FOXN2: variants seen among roughly 807,000 people sequenced by gnomAD.
FOXN2 encodes the protein forkhead box protein N2.
A neutral mutation model predicts 41.2 loss-of-function variants in FOXN2; 19 were observed. That is an observed-to-expected ratio of 0.46 (90% CI 0.32 to 0.68). The LOEUF is 0.68. Ranked by LOEUF, FOXN2 falls within the 30% of genes least tolerant of loss-of-function variation. The pLI is 0.03. For synonymous variants in FOXN2, 195 were observed against 176.8 expected (o/e 1.10, Z -0.82); for missense variants, 587 against 509.4 (o/e 1.15, Z -1.47).
intron 2 of FOXN2, among the ~76,000 whole-genome samples, chr2:48,330,737 A>T (rs1297897366): frequency 6.6e-6 from 1 of 151,216 alleles, no homozygotes; most frequent in East Asian, 1.9e-4. Flanking sequence ...ACCACCTAAA[A>T]AGAATTAGAG....
intron 1 of FOXN2, among the ~76,000 whole-genome samples, chr2:48,328,201 C>T (rs1053013103): frequency 6.6e-6 from 1 of 152,172 alleles, no homozygotes; most frequent in South Asian, 2.1e-4. Flanking sequence ...GACTTTCGCT[C>T]TGTTGACTTT....
intron 1 of FOXN2, among the ~76,000 whole-genome samples, chr2:48,315,835 T>G (rs1668874742): frequency 6.6e-6 from 1 of 152,262 alleles, no homozygotes. Context: ...ATTTCTGCTT[T>G]AAAGTCTTTT....
At chr2:48,336,459 A>G (rs111907178) in intron 2 of FOXN2, among the ~76,000 whole-genome samples, 30,100 of 121,466 alleles carry the variant, frequency 0.25, 3,370 homozygotes, top group South Asian at 0.33. Flanking sequence ...GTGTGTGTGT[A>G]TATATATTTA....
intron 1 of FOXN2, among the ~76,000 whole-genome samples, chr2:48,322,304 A>C (rs1366576882): frequency 6.6e-6 from 1 of 151,674 alleles, no homozygotes; most frequent in Non-Finnish European, 1.5e-5. Flanking sequence ...TTTTTTTTTT[A>C]ATTGTAAAGT....
chr2:48,372,608 T>C (rs1672976397), intron 5 of FOXN2, among the ~76,000 whole-genome samples: 1 of 152,108 alleles, frequency 6.6e-6, no homozygotes, highest in African/African-American at 2.4e-5. Context: ...TATAAGTAGG[T>C]ATGAGAGCAT....
At position 48,359,107 on chromosome 2, in the gene FOXN2, G is replaced by A. The variant is rs2104453927; in HGVS notation, c.598G>A (p.Ala200Thr). 1.9e-6 allele frequency: 3 copies of A among 1,613,702 alleles called. No homozygotes were observed. Among genetic ancestry groups the A allele is most frequent in the Non-Finnish European group, 2.5e-6 (3 of 1,179,814 alleles). The change falls in exon 4 of 7, where the codon GCA becomes ACA. Residue 200 changes from alanine to threonine, a missense_variant. By Grantham distance (58) the Ala-to-Thr change is moderately conservative. Coordinates refer to ENST00000340553, the MANE Select transcript of FOXN2 (RefSeq NM_002158.4). ...GGAATATAAACCCAATCTTATCCAG[G>A]CACTGAAGAAGCAACCTTTTTCTTC... ...DPEYKPNLIQ[A>T]LKKQPFSSAS...
At chr2:48,334,373 T>G (rs1416434619) in intron 2 of FOXN2, among the ~76,000 whole-genome samples, 1 of 152,222 alleles carries the variant, frequency 6.6e-6, no homozygotes, top group East Asian at 1.9e-4. Context: ...GTTAGAAGTA[T>G]GTCAGACTTC....
chr2:48,357,687 C>T (rs11690845), intron 3 of FOXN2, among the ~76,000 whole-genome samples: 32,530 of 151,594 alleles, frequency 0.21, 3,835 homozygotes, highest in East Asian at 0.45. Context: ...TCACCTTCGC[C>T]GGCTTCCCAA....
In FOXN2 at chr2:48,335,076, T is replaced by C. The variant is rs543223454; in HGVS notation, c.-15+6374T>C. 9.2e-5 allele frequency among the ~76,000 whole-genome samples: 14 copies of C among 152,186 alleles called. No homozygotes were observed. The East Asian group carries it at 2.7e-3, about 29-fold the overall frequency. On this transcript the variant is annotated intron_variant, in intron 2 of 6. Coordinates refer to ENST00000340553, the MANE Select transcript of FOXN2 (RefSeq NM_002158.4). ...CCCATTGGTAAAGTTCTAATGAAAA[T>C]AAGTGGCTTATAATAAAAATTACAG...
In FOXN2 at chr2:48,346,258, C is replaced by A. The variant is rs1424220026; in HGVS notation, c.44C>A (p.Thr15Asn). 2 of 1,613,770 alleles carry A rather than the reference C, an allele frequency of 1.2e-6. No homozygotes were observed. Among genetic ancestry groups the A allele is most frequent in the Non-Finnish European group, 1.7e-6 (2 of 1,179,886 alleles). The change falls in exon 3 of 7, where the codon ACC becomes AAC. Residue 15 changes from threonine to asparagine, a missense_variant. Thr to Asn is a moderately conservative substitution (Grantham distance 65). Transcript: ENST00000340553. ...IGMTPDKRAE[T>N]PGAEKIAGLS... ...ATGACTCCAGATAAGAGAGCTGAAA[C>A]CCCAGGAGCTGAAAAGATTGCAGGA...
chr2:48,362,587 G>T, intron 4 of FOXN2, 56 bp from the exon 5 acceptor site: 1 of 1,508,752 alleles, frequency 6.6e-7, no homozygotes, highest in Non-Finnish European at 9.2e-7. Context: ...AAATTAGGGG[G>T]AAAAAGTGAA....
chr2:48,316,348 T>C (rs1050102953), intron 1 of FOXN2, among the ~76,000 whole-genome samples: 10 of 152,170 alleles, frequency 6.6e-5, no homozygotes, highest in Non-Finnish European at 2.9e-5. Context: ...TTGCCAACTT[T>C]GGGAAAAAAT....
intron 3 of FOXN2, among the ~76,000 whole-genome samples, chr2:48,351,771 AG>A (rs1213579415): frequency 6.6e-6 from 1 of 152,152 alleles, no homozygotes; most frequent in Non-Finnish European, 1.5e-5. Context: ...CTGTTTCCTA[AG>A]AGGCCATGGA....
At chr2:48,368,671 A>G (rs1039167762) in intron 5 of FOXN2, among the ~76,000 whole-genome samples, 7 of 152,192 alleles carry the variant, frequency 4.6e-5, no homozygotes, top group African/African-American at 1.7e-4. Flanking sequence ...CAGCTTGGAC[A>G]ACGGAGTGAG....
intron 5 of FOXN2, 48 bp downstream of exon 5, chr2:48,362,755 G>A: frequency 6.8e-7 from 1 of 1,472,906 alleles, no homozygotes; most frequent in South Asian, 1.1e-5. Context: ...CAATCTTTTG[G>A]TCAACAACAG....
intron 1 of FOXN2, among the ~76,000 whole-genome samples, chr2:48,327,211 A>T (rs368057714): frequency 3.1e-4 from 47 of 152,086 alleles, no homozygotes; most frequent in African/African-American, 1.1e-3. Flanking sequence ...CACTGCAAAC[A>T]TTAATCTGTC....
chr2:48,340,413 A>G (rs966299697), intron 2 of FOXN2, among the ~76,000 whole-genome samples: 1 of 152,158 alleles, frequency 6.6e-6, no homozygotes, highest in African/African-American at 2.4e-5. Flanking sequence ...ACATAATTTT[A>G]TATTTCTTAT....
intron 5 of FOXN2, among the ~76,000 whole-genome samples, chr2:48,369,085 TCTA>T (rs1044546277): frequency 6.6e-6 from 1 of 152,238 alleles, no homozygotes; most frequent in African/African-American, 2.4e-5. Flanking sequence ...TTCCTACCAT[TCTA>T]CTGTTATAGA....
chr2:48,329,634 G>A (rs562768045), intron 2 of FOXN2, among the ~76,000 whole-genome samples: 6 of 152,068 alleles, frequency 3.9e-5, no homozygotes, highest in Non-Finnish European at 8.8e-5. Context: ...TAATGCTTCA[G>A]TTCTCCTGGA....
Sources: gnomAD v4.1 joint callset for allele counts (sites outside exome capture counted in the v4.1 genomes callset) on GRCh38, gnomAD v4.1.1 for gene constraint, MANE v1.5 for transcripts, NCBI Gene and HGNC (gene_info 2026-07-23, HGNC 2026-07-21) for gene names.